DNAH7: variants seen among roughly 807,000 people sequenced by gnomAD.
The protein encoded by DNAH7 is axonemal beta dynein heavy chain 7.
In DNAH7, 397 loss-of-function variants were observed where a neutral mutation model predicts 444.6. The ratio of observed to expected loss-of-function variants is 0.89; its 90% CI spans 0.82 to 0.97. The LOEUF (loss-of-function observed/expected upper bound fraction) is 0.97. Ranked by LOEUF, DNAH7 falls within the 50% of genes least tolerant of loss-of-function variation. DNAH7 has a pLI of 0.00. For missense variants in DNAH7, 4,902 were observed against 4,800.8 expected (o/e 1.02, Z -0.62); for synonymous variants, 1,636 against 1,624.4 (o/e 1.01, Z -0.17).
intron 44 of DNAH7, 57 bp downstream of exon 44, chr2:195,857,316 TCTAA>T: frequency 7.3e-7 from 1 of 1,375,206 alleles, no homozygotes. Flanking sequence ...TTGTATATTT[TCTAA>T]CTGACCAGAA....
At chr2:195,783,305 T>TAAG (rs1695476614) in intron 58 of DNAH7, among the ~76,000 whole-genome samples, 1 of 152,254 alleles carries the variant, frequency 6.6e-6, no homozygotes, top group Non-Finnish European at 1.5e-5. Context: ...ATTACTTTTC[T>TAAG]ATGACACCAA....
At chr2:195,853,287 G>A in intron 46 of DNAH7, 56 bp downstream of exon 46, 1 of 1,509,570 alleles carries the variant, frequency 6.6e-7, no homozygotes, top group East Asian at 2.3e-5. Context: ...ACCTTGAAGG[G>A]TTATATTGGC....
chr2:195,902,214 GT>G (rs1240805732), intron 27 of DNAH7: 2 of 148,848 alleles, frequency 1.3e-5, no homozygotes, highest in African/African-American at 4.9e-5. Context: ...TTTGTATCAA[GT>G]AAGAACCTTC....
At chr2:195,906,859 C>T in intron 26 of DNAH7, 48 bp downstream of exon 26, 13 of 1,608,478 alleles carry the variant, frequency 8.1e-6, no homozygotes, top group Non-Finnish European at 1.1e-5. Context: ...CACTACCTCT[C>T]ATATTTCTTT....
At chr2:195,928,095 C>T (rs919654391) in intron 21 of DNAH7, among the ~76,000 whole-genome samples, 1 of 152,088 alleles carries the variant, frequency 6.6e-6, no homozygotes, top group African/African-American at 2.4e-5. Context: ...ATCTAGAGGT[C>T]TACAGTGTCT....
chr2:195,822,158 C>T (rs1032963282), intron 49 of DNAH7, among the ~76,000 whole-genome samples: 8 of 152,190 alleles, frequency 5.3e-5, no homozygotes, highest in Admixed American at 5.2e-4. Flanking sequence ...TACTGCTTTG[C>T]CATTTATTCA....
intron 57 of DNAH7, among the ~76,000 whole-genome samples, chr2:195,793,077 G>C (rs954905104): frequency 6.6e-6 from 1 of 151,772 alleles, no homozygotes; most frequent in South Asian, 2.1e-4. Context: ...CTATAGGTGT[G>C]TGCCACCAGG....
intron 64 of DNAH7, among the ~76,000 whole-genome samples, chr2:195,738,786 C>T (rs144978545): frequency 9.6e-4 from 146 of 152,138 alleles, no homozygotes; most frequent in African/African-American, 3.1e-3. Context: ...GAATTTAATT[C>T]AATTTATTTT....
chr2:195,944,408 TAAG>T (rs1689664236), intron 19 of DNAH7, among the ~76,000 whole-genome samples: 2 of 152,146 alleles, frequency 1.3e-5, no homozygotes, highest in African/African-American at 4.8e-5. Context: ...GGATCTCTGG[TAAG>T]TGCACCCATA....
intron 1 of DNAH7, among the ~76,000 whole-genome samples, chr2:196,065,379 T>C (rs550952727): frequency 6.6e-6 from 1 of 152,346 alleles, no homozygotes; most frequent in Non-Finnish European, 1.5e-5. Context: ...AAATTCATCA[T>C]AGGAACTCAA....
intron 61 of DNAH7, among the ~76,000 whole-genome samples, chr2:195,762,940 C>T (rs1253982751): frequency 2.0e-5 from 3 of 152,134 alleles, no homozygotes; most frequent in South Asian, 2.1e-4. Context: ...TAACTCAGCA[C>T]GTGGATCGTT....
In DNAH7 at chr2:195,864,867, T is replaced by C. The variant is rs375248693; in HGVS notation, c.6788A>G (p.Asp2263Gly). The change falls in exon 41 of 65, where the codon GAT becomes GGT. Residue 2263 changes from aspartate to glycine, a missense_variant. By Grantham distance (94) the Asp-to-Gly change is moderately conservative. Transcript: ENST00000312428. ...DFDNDGMVEA[D>G]DLRSLMFCDF... Reference sequence around the variant, plus strand: ...ACAAAACATTAAGCTGCGTAAGTCATCTGCTTCCACCATGCCATCATTATC... The same window carrying C: ...ACAAAACATTAAGCTGCGTAAGTCACCTGCTTCCACCATGCCATCATTATC... 2 of 1,614,120 alleles carry C rather than the reference T, an allele frequency of 1.2e-6. No homozygotes were observed. The highest frequency in any genetic ancestry group is 1.7e-6 in the Non-Finnish European group (2 of 1,180,020).
intron 61 of DNAH7, 77 bp downstream of exon 61, chr2:195,771,583 G>A (rs1694842116): frequency 1.8e-6 from 2 of 1,091,226 alleles, no homozygotes; most frequent in African/African-American, 3.1e-5. Flanking sequence ...CAGTATTTGT[G>A]CTAAACAAGT....
chr2:195,976,640 C>T (rs765486409), intron 15 of DNAH7, among the ~76,000 whole-genome samples: 1 of 152,030 alleles, frequency 6.6e-6, no homozygotes, highest in Non-Finnish European at 1.5e-5. Flanking sequence ...GCACTGGCTT[C>T]AGTTCTGACC....
At chr2:196,035,113 C>T (rs1027569149) in intron 5 of DNAH7, among the ~76,000 whole-genome samples, 4 of 151,964 alleles carry the variant, frequency 2.6e-5, no homozygotes, top group Admixed American at 6.6e-5. Flanking sequence ...ACCCAGGAGG[C>T]GGAGGTTGCA....
At chr2:195,874,189 C>T (rs1169201642) in intron 38 of DNAH7, among the ~76,000 whole-genome samples, 1 of 152,126 alleles carries the variant, frequency 6.6e-6, no homozygotes, top group Non-Finnish European at 1.5e-5. Context: ...TTACCCAAGA[C>T]GAGTCTATAC....
Position 195,928,768 on chromosome 2 carries a change from C to T in DNAH7, c.3472-2202G>A, listed in dbSNP as rs548415338. 9.3e-4 allele frequency among the ~76,000 whole-genome samples: 140 copies of T among 151,276 alleles called. 1 individual carries two copies. The highest frequency in any genetic ancestry group is 1.3e-3 in the Non-Finnish European group (91 of 67,752). ...CAGAAACATTAAGAAGAGAAAGAAA[C>T]AATGGTAACATTGAACATCTAGATT... On this transcript the variant is annotated intron_variant, in intron 21 of 64. Coordinates refer to ENST00000312428, the MANE Select transcript of DNAH7 (RefSeq NM_018897.3).
In DNAH7 at chr2:195,872,292, T is replaced by G; in HGVS notation, c.6591A>C (p.Thr2197=). ...GTTTAATCACTTCTGTGGTTTCTGTTGTTTCTGGTCTTGACAAACAAACAC... is the reference window on the plus strand; with the variant it reads ...GTTTAATCACTTCTGTGGTTTCTGTGGTTTCTGGTCTTGACAAACAAACAC... The part of the protein sequence containing the change: ...IQGVCLSRPE[T]TETTEVIKRL... The change falls in exon 40 of 65, where the codon ACA becomes ACC. Residue 2197 remains threonine, a synonymous_variant. Transcript: ENST00000312428. 6.2e-7 allele frequency: 1 copy of G among 1,613,938 alleles called. No individual in the cohort carries two copies. The highest frequency in any genetic ancestry group is 8.5e-7 in the Non-Finnish European group (1 of 1,179,918).
At chr2:195,932,320 C>T (rs1688753764) in intron 21 of DNAH7, among the ~76,000 whole-genome samples, 1 of 152,138 alleles carries the variant, frequency 6.6e-6, no homozygotes, top group South Asian at 2.1e-4. Context: ...AGATTTTGGG[C>T]TGAGACAGTG....
Sources: gnomAD v4.1 joint callset for allele counts (sites outside exome capture counted in the v4.1 genomes callset) on GRCh38, gnomAD v4.1.1 for gene constraint, MANE v1.5 for transcripts, NCBI Gene and HGNC (gene_info 2026-07-23, HGNC 2026-07-21) for gene names.